Variants in PARP8 observed in about 807,000 individuals in gnomAD.
The protein encoded by PARP8 is protein mono-ADP-ribosyltransferase PARP8.
Under a neutral mutation model 124.1 loss-of-function variants are expected in PARP8, and 51 were observed. The ratio of observed to expected loss-of-function variants is 0.41; its 90% CI spans 0.33 to 0.52. The LOEUF is 0.52. PARP8 is among the 20% of genes least tolerant of loss of function. PARP8 has a pLI of 0.21. For synonymous variants in PARP8, 391 were observed against 361.5 expected (o/e 1.08, Z -0.93); for missense variants, 860 against 1,018.9 (o/e 0.84, Z 2.12).
At chr5:50,697,238 G>A (rs926928169) in intron 2 of PARP8, among the ~76,000 whole-genome samples, 3 of 152,142 alleles carry the variant, frequency 2.0e-5, no homozygotes, top group African/African-American at 7.2e-5. Flanking sequence ...TCTGGCGACA[G>A]AGCGAGACTC....
intron 2 of PARP8, among the ~76,000 whole-genome samples, chr5:50,748,175 A>G (rs774960813): frequency 1.4e-5 from 2 of 139,728 alleles, no homozygotes; most frequent in Non-Finnish European, 3.1e-5. Context: ...TAATTTATCT[A>G]TTAGCTTTTT....
At chr5:50,780,118 A>G (rs1163493966) in intron 9 of PARP8, among the ~76,000 whole-genome samples, 1 of 152,170 alleles carries the variant, frequency 6.6e-6, no homozygotes, top group East Asian at 1.9e-4. Flanking sequence ...TATAAAGTTG[A>G]CAATGAATTT....
At chr5:50,837,982 G>A (rs980472737) in intron 25 of PARP8, among the ~76,000 whole-genome samples, 5 of 151,850 alleles carry the variant, frequency 3.3e-5, no homozygotes, top group Non-Finnish European at 5.9e-5. Context: ...ACCTTGAAAC[G>A]CATGTGTACT....
chr5:50,701,994 A>G (rs1753648254), intron 2 of PARP8, among the ~76,000 whole-genome samples: 1 of 152,170 alleles, frequency 6.6e-6, no homozygotes, highest in Non-Finnish European at 1.5e-5. Flanking sequence ...AAGATAAACT[A>G]TTACATTTTT....
chr5:50,831,705 A>G (rs932417546), intron 22 of PARP8, among the ~76,000 whole-genome samples: 2 of 152,186 alleles, frequency 1.3e-5, no homozygotes, highest in Non-Finnish European at 2.9e-5. Flanking sequence ...TGTTTTTTAT[A>G]CTGGTATATA....
At chr5:50,830,044 T>C (rs1370187468) in intron 22 of PARP8, 83 bp downstream of exon 22, 19 of 1,383,830 alleles carry the variant, frequency 1.4e-5, no homozygotes, top group East Asian at 1.3e-4. Context: ...CAGCTTTCTA[T>C]TGTGCCTTAT....
chr5:50,829,368 A>G (rs1423118854), intron 21 of PARP8, among the ~76,000 whole-genome samples: 3 of 152,182 alleles, frequency 2.0e-5, no homozygotes, highest in Admixed American at 2.0e-4. Flanking sequence ...TTAGTATTCA[A>G]TTCATACTAA....
intron 2 of PARP8, among the ~76,000 whole-genome samples, chr5:50,729,336 A>G (rs1756747090): frequency 6.6e-6 from 1 of 152,062 alleles, no homozygotes; most frequent in South Asian, 2.1e-4. Context: ...ACACTTGGCT[A>G]TTTAATACAT....
chr5:50,683,172 T>G (rs1751481318), intron 2 of PARP8, among the ~76,000 whole-genome samples: 1 of 152,194 alleles, frequency 6.6e-6, no homozygotes, highest in Admixed American at 6.5e-5. Context: ...GGAAATGATT[T>G]AAATCCTTTT....
intron 9 of PARP8, among the ~76,000 whole-genome samples, chr5:50,782,687 G>T (rs1327028272): frequency 6.6e-6 from 1 of 152,060 alleles, no homozygotes; most frequent in Non-Finnish European, 1.5e-5. Flanking sequence ...AGGTTAAGCA[G>T]ATGAACTGCC....
At chr5:50,765,603 T>C (rs1171326467) in intron 7 of PARP8, among the ~76,000 whole-genome samples, 3 of 152,230 alleles carry the variant, frequency 2.0e-5, no homozygotes, top group Non-Finnish European at 2.9e-5. Context: ...TGTAATAGTT[T>C]TGATCCAGTT....
chr5:50,750,040 C>T, intron 2 of PARP8, 111 bp from the exon 3 acceptor site: 1 of 827,544 alleles, frequency 1.2e-6, no homozygotes, highest in Non-Finnish European at 2.0e-6. Flanking sequence ...CCTGTTTATA[C>T]TTACATCTTT....
chr5:50,829,645 CT>C, intron 21 of PARP8, among the ~76,000 whole-genome samples: 1 of 152,088 alleles, frequency 6.6e-6, no homozygotes. Flanking sequence ...TACTAGTGTA[CT>C]TTATAATAAA....
At position 50,826,808 on chromosome 5, in the gene PARP8, G is replaced by A; in HGVS notation, c.1977+5G>A. ...GTGAAACTGCCAGTTAACAGGGTAA[G>A]TTGTTTTTTTTTTTTTTACATATGC... On this transcript the variant is annotated splice_donor_5th_base_variant and intron_variant, in intron 19 of 25. Transcript: ENST00000281631. 1.9e-6 allele frequency: 3 copies of A among 1,562,004 alleles called. No homozygotes were observed.
At chr5:50,711,768 T>G (rs1272039567) in intron 2 of PARP8, among the ~76,000 whole-genome samples, 1 of 152,096 alleles carries the variant, frequency 6.6e-6, no homozygotes, top group African/African-American at 2.4e-5. Flanking sequence ...TAAAGTCAAT[T>G]CAGTATAGGT....
At chr5:50,732,405 T>G (rs1204201927) in intron 2 of PARP8, among the ~76,000 whole-genome samples, 2 of 152,178 alleles carry the variant, frequency 1.3e-5, no homozygotes, top group South Asian at 2.1e-4. Context: ...AAACAATATT[T>G]TGTAATATTT....
rs189830151 is a variant in PARP8, at chr5:50,687,280, C to T, written c.146+19155C>T. ...AATGCTGCCAGTCTCTTTGCTAAAA[C>T]GTAACGAGTCACCTTCGCTCCAGTC... is the stretch of plus-strand genomic sequence containing the variant. On this transcript the variant is annotated intron_variant, in intron 2 of 25. Coordinates refer to ENST00000281631, the MANE Select transcript of PARP8 (RefSeq NM_024615.4). Among the ~76,000 whole-genome samples the T allele has an allele frequency of 1.1e-3, 168 of 152,302 alleles. 1 individual carries two copies. Among genetic ancestry groups the T allele is most frequent in the Middle Eastern group, 6.8e-3 (2 of 294 alleles).
chr5:50,726,081 CA>C (rs559252466), intron 2 of PARP8, among the ~76,000 whole-genome samples: 1 of 151,804 alleles, frequency 6.6e-6, no homozygotes, highest in Non-Finnish European at 1.5e-5. Context: ...CAGCTTATGC[CA>C]TGTTGTTACA....
At chr5:50,692,561 A>C (rs897995249) in intron 2 of PARP8, among the ~76,000 whole-genome samples, 11 of 151,962 alleles carry the variant, frequency 7.2e-5, no homozygotes, top group Non-Finnish European at 1.6e-4. Flanking sequence ...TGCCTGACTT[A>C]AAGAAGTACT....
Sources: gnomAD v4.1 joint callset for allele counts (sites outside exome capture counted in the v4.1 genomes callset) on GRCh38, gnomAD v4.1.1 for gene constraint, MANE v1.5 for transcripts, NCBI Gene and HGNC (gene_info 2026-07-23, HGNC 2026-07-21) for gene names.